The following IQGAP2 variants were observed in gnomAD, a reference collection of about 807,000 sequenced individuals.
IQGAP2 encodes IQ motif containing GTPase activating protein 2, also known as ras GTPase-activating-like protein IQGAP2.
Under a neutral mutation model 201.3 loss-of-function variants are expected in IQGAP2, and 173 were observed. The observed-to-expected ratio is 0.86, with a 90% CI of 0.76 to 0.98. The LOEUF is 0.98. Ranked by LOEUF, IQGAP2 falls within the 50% of genes least tolerant of loss-of-function variation. IQGAP2 has a pLI of 0.00. For synonymous variants in IQGAP2, 675 were observed against 673.9 expected (o/e 1.00, Z -0.03); for missense variants, 1,687 against 1,864.8 (o/e 0.90, Z 1.76).
intron 1 of IQGAP2, among the ~76,000 whole-genome samples, chr5:76,454,292 T>A (rs553736765): frequency 6.1e-4 from 93 of 151,938 alleles, no homozygotes; most frequent in African/African-American, 1.7e-3. Flanking sequence ...ATATATATAT[T>A]TTTTAATTAT....
At chr5:76,532,728 G>A (rs1335339012) in intron 2 of IQGAP2, among the ~76,000 whole-genome samples, 1 of 152,118 alleles carries the variant, frequency 6.6e-6, no homozygotes, top group East Asian at 1.9e-4. Flanking sequence ...ACAAGCCCTG[G>A]ACTGGCTCGT....
intron 2 of IQGAP2, among the ~76,000 whole-genome samples, chr5:76,463,921 C>T (rs1445613367): frequency 2.0e-5 from 3 of 151,420 alleles, no homozygotes; most frequent in Admixed American, 2.0e-4. Flanking sequence ...GATCTCAGCT[C>T]ACTGCAACCT....
chr5:76,610,094 A>C (rs1456498641), intron 12 of IQGAP2, among the ~76,000 whole-genome samples: 183 of 10,062 alleles, frequency 0.018, 5 homozygotes, highest in East Asian at 0.027. Flanking sequence ...ATATATATAT[A>C]TATATATATA....
chr5:76,617,672 G>A (rs1225714163), intron 13 of IQGAP2: 2 of 1,613,978 alleles, frequency 1.2e-6, no homozygotes, highest in Non-Finnish European at 1.7e-6. Context: ...GACTACCCAG[G>A]CACAAAGCTA....
chr5:76,447,536 A>G (rs1462856024), intron 1 of IQGAP2, among the ~76,000 whole-genome samples: 10 of 152,236 alleles, frequency 6.6e-5, no homozygotes, highest in Non-Finnish European at 1.5e-4. Flanking sequence ...GAGAGCTGCC[A>G]GAATCGGTGG....
intron 11 of IQGAP2, among the ~76,000 whole-genome samples, chr5:76,603,737 A>G (rs1024438726): frequency 2.0e-5 from 3 of 152,186 alleles, no homozygotes; most frequent in Non-Finnish European, 2.9e-5. Context: ...AGTGCTCACA[A>G]ACATCTGCTG....
intron 2 of IQGAP2, among the ~76,000 whole-genome samples, chr5:76,508,914 G>A (rs144761058): frequency 0.014 from 2,103 of 151,976 alleles, 168 homozygotes; most frequent in Admixed American, 0.12. Context: ...GCCCCTACAT[G>A]TACCCTCTGT....
intron 2 of IQGAP2, among the ~76,000 whole-genome samples, chr5:76,539,465 C>T (rs933205456): frequency 7.2e-5 from 11 of 152,160 alleles, no homozygotes; most frequent in African/African-American, 2.7e-4. Flanking sequence ...TGGAAGGGAG[C>T]GGGAAACTGT....
rs573886733 is a variant in IQGAP2 at position 76,490,185 on chromosome 5, A to G, written c.146+28516A>G. 4.2e-4 allele frequency among the ~76,000 whole-genome samples: 64 copies of G among 152,352 alleles called. No homozygotes were observed. The Middle Eastern group carries it at 0.01, about 24-fold the overall frequency. ...AGGTTTTATGTTACAAGCATTGAAG[A>G]GAAAATCTTTCTCCTGGTATCTCTT... On this transcript the variant is annotated intron_variant, in intron 2 of 35. Transcript: ENST00000274364.
intron 22 of IQGAP2, among the ~76,000 whole-genome samples, chr5:76,668,400 G>A (rs929136132): frequency 1.3e-5 from 2 of 151,114 alleles, no homozygotes; most frequent in Non-Finnish European, 2.9e-5. Context: ...ATTAATATTT[G>A]ATATTAATAT....
At chr5:76,588,397 C>T (rs1324743509) in intron 5 of IQGAP2, among the ~76,000 whole-genome samples, 2 of 152,188 alleles carry the variant, frequency 1.3e-5, no homozygotes, top group Admixed American at 6.5e-5. Flanking sequence ...ATACACACAT[C>T]ATAGTTTAAC....
At chr5:76,549,395 C>T (rs1376523119) in intron 2 of IQGAP2, among the ~76,000 whole-genome samples, 2 of 150,696 alleles carry the variant, frequency 1.3e-5, no homozygotes, top group Admixed American at 6.7e-5. Context: ...AAGGTCCTTG[C>T]TATTGTAGAA....
At chr5:76,633,579 A>G (rs1415562016) in intron 15 of IQGAP2, among the ~76,000 whole-genome samples, 1 of 152,196 alleles carries the variant, frequency 6.6e-6, no homozygotes, top group Non-Finnish European at 1.5e-5. Context: ...CTTTTAAGGT[A>G]TGTAATTAAG....
chr5:76,639,416 A>G (rs1339037054), intron 16 of IQGAP2, among the ~76,000 whole-genome samples: 1 of 152,184 alleles, frequency 6.6e-6, no homozygotes, highest in Non-Finnish European at 1.5e-5. Flanking sequence ...GTGGCTTAAG[A>G]AATACATAGG....
chr5:76,553,201 A>AC lies in IQGAP2; in HGVS notation c.147-9194dup, dbSNP rs137879306. 7.9e-4 allele frequency among the ~76,000 whole-genome samples: 120 copies of AC among 152,332 alleles called. 2 individuals carry two copies. The highest frequency in any genetic ancestry group is 2.8e-3 in the African/African-American group (115 of 41,578). On this transcript the variant is annotated intron_variant, in intron 2 of 35. Transcript: ENST00000274364. ...TTAACTTAGTCCTTCTGATGCTTTT[A>AC]CTGCCTGTTGACACAGAAGGTGGAA...
rs151128648 is a variant in IQGAP2, at chr5:76,652,775, G to A, written c.2120G>A (p.Arg707Gln). ...GCTTTTTGGAAAGGATATAAACAAC[G>A]GAAGGAGTATATGCACAGGCGGCAA... is the stretch of plus-strand genomic sequence containing the variant. The part of the protein sequence containing the change: ...IQAFWKGYKQ[R>Q]KEYMHRRQTF... Residue 707 changes from arginine (R) to glutamine (Q), a missense_variant, in exon 18 of 36, where the codon CGG becomes CAG. Coordinates refer to ENST00000274364, the MANE Select transcript of IQGAP2 (RefSeq NM_006633.5). 7.0e-5 allele frequency: 112 copies of A among 1,611,154 alleles called. No individual in the cohort carries two copies. The African/African-American group carries it at 1.2e-3, about 17-fold the overall frequency.
intron 2 of IQGAP2, among the ~76,000 whole-genome samples, chr5:76,541,606 GT>G (rs1742777229): frequency 6.6e-6 from 1 of 152,190 alleles, no homozygotes; most frequent in African/African-American, 2.4e-5. Context: ...CCACCAAACT[GT>G]TTTCCACAGT....
chr5:76,613,069 A>C (rs747391404), intron 13 of IQGAP2, among the ~76,000 whole-genome samples: 4 of 152,090 alleles, frequency 2.6e-5, no homozygotes, highest in Non-Finnish European at 4.4e-5. Context: ...GACCCTCCTC[A>C]CTTTGCCAAG....
intron 12 of IQGAP2, among the ~76,000 whole-genome samples, chr5:76,609,516 G>C (rs771027412): frequency 3.3e-5 from 5 of 152,146 alleles, no homozygotes; most frequent in African/African-American, 1.2e-4. Flanking sequence ...TCTTAACGAA[G>C]TGGTGGTTAT....
Sources: allele counts gnomAD v4.1 joint callset (sites outside exome capture counted in the v4.1 genomes callset), GRCh38; gene constraint gnomAD v4.1.1; transcripts MANE v1.5; gene names NCBI Gene and HGNC (gene_info 2026-07-23, HGNC 2026-07-21).